The following HFM1 variants were observed in gnomAD, a reference collection of about 807,000 sequenced individuals.
HFM1 encodes helicase for meiosis 1.
Under a neutral mutation model 192.1 loss-of-function variants are expected in HFM1, and 169 were observed. That is an observed-to-expected ratio of 0.88 (90% confidence interval 0.78 to 1.00). The LOEUF is 1.00. HFM1 is among the 50% of genes least tolerant of loss of function. HFM1 has a pLI of 0.00. For missense variants in HFM1, 1,661 were observed against 1,668.0 expected (o/e 1.00, Z 0.07); for synonymous variants, 525 against 537.8 (o/e 0.98, Z 0.33).
intron 28 of HFM1, among the ~76,000 whole-genome samples, chr1:91,314,560 T>C (rs1650931238): frequency 6.6e-6 from 1 of 152,136 alleles, no homozygotes; most frequent in South Asian, 2.1e-4. Flanking sequence ...ATCCAATCCC[T>C]AATTTTTTTA....
In HFM1 at chr1:91,387,050, C is replaced by T. The variant is rs149615810; in HGVS notation, c.495-1216G>A. Among the ~76,000 whole-genome samples the T allele has an allele frequency of 2.3e-3, 343 of 152,290 alleles. 1 individual carries two copies. The highest frequency in any genetic ancestry group is 7.8e-3 in the African/African-American group (325 of 41,570). On this transcript the variant is annotated intron_variant, in intron 4 of 38. Coordinates refer to ENST00000370425, the MANE Select transcript of HFM1 (RefSeq NM_001017975.6). The stretch of plus-strand genomic sequence containing the variant: ...TATATTTGATCAAAAGACAATCTAT[C>T]GAAGTAACTTGTTCACAATATCCCT...
rs1253430146 is a variant in HFM1, at chr1:91,394,264, C to A, written c.323G>T (p.Gly108Val). ...KYEQDDLNLE[G>V]VGNNDLSHIA... is the part of the protein sequence containing the mutation. ...ATGTGATAAGTCATTATTACCTACC[C>A]CTTCTAAATTTAGATCATCCTGTTC... The change falls in exon 4 of 39, where the codon GGG becomes GTG. Residue 108 changes from glycine (G) to valine (V), a missense_variant. Coordinates refer to ENST00000370425, the MANE Select transcript of HFM1 (RefSeq NM_001017975.6). The A allele has an allele frequency of 1.3e-6, 2 of 1,597,374 alleles. No individual in the cohort carries two copies. The highest frequency in any genetic ancestry group is 1.7e-6 in the Non-Finnish European group (2 of 1,164,932).
At chr1:91,267,711 TAATGA>T (rs746262467) in intron 35 of HFM1, 29 bp downstream of exon 35, 8 of 949,164 alleles carry the variant, frequency 8.4e-6, no homozygotes, top group Non-Finnish European at 1.3e-5. Context: ...AAAGAATTCC[TAATGA>T]AATGATTGCA....
intron 13 of HFM1, among the ~76,000 whole-genome samples, chr1:91,357,859 A>G (rs1657955029): frequency 6.6e-6 from 1 of 152,210 alleles, no homozygotes; most frequent in South Asian, 2.1e-4. Flanking sequence ...ACAGCATAAA[A>G]AAATAAAATG....
chr1:91,394,345 G>T lies in HFM1; in HGVS notation c.242C>A (p.Thr81Lys). Residue 81 changes from threonine to lysine, a missense_variant, in exon 4 of 39, where the codon ACA becomes AAA. Coordinates refer to ENST00000370425, the MANE Select transcript of HFM1 (RefSeq NM_001017975.6). ...TTTTTGTGTTAGTGAAATATAATTT[G>T]TATCTTCATTAGTTATCTTTAAATT... ...TSNLKITNED[T>K]NYISLTQKFQ... 6.3e-7 allele frequency: 1 copy of T among 1,576,012 alleles called. No homozygotes were observed. The highest frequency in any genetic ancestry group is 8.7e-7 in the Non-Finnish European group (1 of 1,147,594).
chr1:91,372,262 C>T (rs562156996), intron 13 of HFM1, among the ~76,000 whole-genome samples: 2 of 152,304 alleles, frequency 1.3e-5, no homozygotes, highest in Non-Finnish European at 2.9e-5. Context: ...GATTACAAAT[C>T]ATGCTGCTAT....
intron 13 of HFM1, among the ~76,000 whole-genome samples, chr1:91,356,718 A>C (rs1657791622): frequency 6.0e-4 from 1 of 1,674 alleles, no homozygotes; most frequent in South Asian, 0.062. Flanking sequence ...AGCTAGACTA[A>C]GGAAAAAAAA....
chr1:91,378,786 T>C (rs1225569057), intron 9 of HFM1, among the ~76,000 whole-genome samples: 1 of 151,980 alleles, frequency 6.6e-6, no homozygotes. Context: ...ACATACTACT[T>C]AGGTAAAAGA....
rs1653352062 is a variant in HFM1 at position 91,328,884 on chromosome 1, A to C, written c.2336-4118T>G. ...GAGGCCAGCTGTGCTGCCCTGGTGA[A>C]GGCTGGCAAAGTCTATCCTGTGGCT... On this transcript the variant is annotated intron_variant, in intron 20 of 38. Transcript: ENST00000370425. The C allele has an allele frequency of 3.1e-6, 5 of 1,610,760 alleles. No homozygotes were observed. In the South Asian group the frequency reaches 5.5e-5, roughly 18 times the overall value.
intron 30 of HFM1, among the ~76,000 whole-genome samples, chr1:91,300,622 A>G (rs1041935395): frequency 1.3e-5 from 2 of 152,138 alleles, no homozygotes; most frequent in African/African-American, 2.4e-5. Flanking sequence ...ATGCAAGGCT[A>G]GTTCAACATA....
In HFM1 at chr1:91,375,590, T is replaced by G. The variant is rs768895516; in HGVS notation, c.1533A>C (p.Leu511Phe). 6.2e-7 allele frequency: 1 copy of G among 1,613,512 alleles called. No homozygotes were observed. The highest frequency in any genetic ancestry group is 1.1e-5 in the South Asian group (1 of 91,064). Residue 511 changes from leucine to phenylalanine, a missense_variant, in exon 12 of 39, where the codon TTA becomes TTC. Physicochemically the swap from Leu to Phe is conservative, Grantham distance 22. Coordinates refer to ENST00000370425, the MANE Select transcript of HFM1 (RefSeq NM_001017975.6). ...CACTGGCAATTTTGTAGTTGAGGGTTAAATCAAACTTAAACTCAGTTTGGT... is the reference window on the plus strand; with the variant it reads ...CACTGGCAATTTTGTAGTTGAGGGTGAAATCAAACTTAAACTCAGTTTGGT... ...SSNQTEFKFDLTLNYKIASVI... is the reference protein window; with the variant it reads ...SSNQTEFKFDFTLNYKIASVI...
At chr1:91,309,706 G>A (rs950456066) in intron 30 of HFM1, among the ~76,000 whole-genome samples, 2 of 152,110 alleles carry the variant, frequency 1.3e-5, no homozygotes, top group African/African-American at 4.8e-5. Context: ...GAGCCATTGA[G>A]AACCAAGTTT....
intron 13 of HFM1, among the ~76,000 whole-genome samples, chr1:91,364,760 G>A (rs1571116686): frequency 6.7e-6 from 1 of 149,814 alleles, no homozygotes; most frequent in African/African-American, 2.5e-5. Context: ...CAGCCTCCAG[G>A]GTAGCTGGGA....
chr1:91,345,619 G>A lies in HFM1; in HGVS notation c.2254+1810C>T, dbSNP rs910956189. Among the ~76,000 whole-genome samples the A allele has an allele frequency of 2.3e-4, 35 of 152,132 alleles. 1 individual carries two copies. The highest frequency in any genetic ancestry group is 8.4e-4 in the African/African-American group (35 of 41,430). ...CAGGGCTCAGAAAATGCTGACTCAA[G>A]GCATTTCGAACTCAATAAGACTAAG... is the stretch of plus-strand genomic sequence containing the variant. On this transcript the variant is annotated intron_variant, in intron 19 of 38. Coordinates refer to ENST00000370425, the MANE Select transcript of HFM1 (RefSeq NM_001017975.6).
chr1:91,344,792 G>C (rs1178598978), intron 19 of HFM1, among the ~76,000 whole-genome samples: 2 of 146,758 alleles, frequency 1.4e-5, no homozygotes, highest in Non-Finnish European at 1.5e-5. Context: ...TGTTGCCCAG[G>C]CTAAAATACA....
intron 1 of HFM1, among the ~76,000 whole-genome samples, chr1:91,403,572 G>A (rs908750509): frequency 3.3e-5 from 5 of 152,024 alleles, no homozygotes; most frequent in Admixed American, 1.3e-4. Context: ...AAAGTTCTAG[G>A]TTTAGATTCA....
At chr1:91,352,396 C>T (rs1407396716) in intron 16 of HFM1, 110 bp downstream of exon 16, 7 of 750,472 alleles carry the variant, frequency 9.3e-6, no homozygotes, top group Non-Finnish European at 1.4e-5. Flanking sequence ...ATTTTCTCTG[C>T]TATATTACTT....
intron 34 of HFM1, 31 bp downstream of exon 34, chr1:91,273,681 C>A: frequency 9.1e-7 from 1 of 1,094,282 alleles, no homozygotes; most frequent in South Asian, 1.3e-5. Context: ...AAGCCATTTA[C>A]TCTCTCAAGT....
chr1:91,357,428 C>T (rs569128538), intron 13 of HFM1, among the ~76,000 whole-genome samples: 11 of 152,100 alleles, frequency 7.2e-5, no homozygotes, highest in African/African-American at 1.7e-4. Flanking sequence ...TCTCTTAACA[C>T]GCAGGCATAT....
Sources: allele counts gnomAD v4.1 joint callset (sites outside exome capture counted in the v4.1 genomes callset), GRCh38; gene constraint gnomAD v4.1.1; transcripts MANE v1.5; gene names NCBI Gene and HGNC (gene_info 2026-07-23, HGNC 2026-07-21).